Variants in ZFHX3 observed in about 807,000 individuals in gnomAD.
ZFHX3 encodes zinc finger homeobox protein 3.
A neutral mutation model predicts 279.1 loss-of-function variants in ZFHX3; 42 were observed. The observed-to-expected ratio is 0.15, with a 90% CI of 0.12 to 0.19. The LOEUF (loss-of-function observed/expected upper bound fraction) is 0.19. Ranked by LOEUF, ZFHX3 falls within the 10% of genes least tolerant of loss-of-function variation. The pLI, the probability that ZFHX3 is intolerant of heterozygous loss-of-function variation, is 1.00. For synonymous variants in ZFHX3, 2,293 were observed against 1,957.8 expected (o/e 1.17, Z -4.52); for missense variants, 4,981 against 4,754.0 (o/e 1.05, Z -1.40).
At chr16:72,925,980 T>TA (rs1959429325) in intron 3 of ZFHX3, among the ~76,000 whole-genome samples, 1 of 152,292 alleles carries the variant, frequency 6.6e-6, no homozygotes, top group East Asian at 1.9e-4. Context: ...TAACTTATAA[T>TA]TATTACAATA....
chr16:73,842,479 T>G (rs1961336288), intron 1 of ZFHX3, among the ~76,000 whole-genome samples: 1 of 152,054 alleles, frequency 6.6e-6, no homozygotes, highest in Non-Finnish European at 1.5e-5. Context: ...TGGGCTTTTT[T>G]GCTAAGAGTA....
chr16:73,260,680 G>GTT lies in ZFHX3; in HGVS notation c.-1193-3546_-1193-3545dup, dbSNP rs370384540. Among the ~76,000 whole-genome samples, 658 of 88,386 alleles carry GTT rather than the reference G, an allele frequency of 7.4e-3. 53 individuals carry two copies. The highest frequency in any genetic ancestry group is 0.033 in the East Asian group (70 of 2,124). 58.0% of individuals were successfully genotyped at this position (88,386 alleles called of 152,430 possible). ...TCTTTGTTAGTGGTGCACCTATCTG[G>GTT]TTTTTTTTTTTTTTTTTTTTTTTTT... On this transcript the variant is annotated intron_variant, in intron 4 of 17. Coordinates refer to the ZFHX3 transcript ENST00000641206.
At chr16:73,555,701 G>A (rs1465902929) in intron 2 of ZFHX3, among the ~76,000 whole-genome samples, 3 of 151,684 alleles carry the variant, frequency 2.0e-5, no homozygotes, top group Admixed American at 6.6e-5. Flanking sequence ...GCGTGGTGGC[G>A]GGCACCTGTA....
chr16:73,404,668 C>T (rs1396454189), intron 3 of ZFHX3, among the ~76,000 whole-genome samples: 3 of 152,074 alleles, frequency 2.0e-5, no homozygotes, highest in African/African-American at 7.2e-5. Context: ...AAGCATGTAA[C>T]AGAAAAAGGC....
intron 3 of ZFHX3, among the ~76,000 whole-genome samples, chr16:73,404,475 A>G (rs77518313): frequency 0.013 from 1,974 of 152,306 alleles, 47 homozygotes; most frequent in African/African-American, 0.046. Flanking sequence ...GTGCAGTGTT[A>G]TTAGGAAATT....
At chr16:73,528,561 A>T (rs568755479) in intron 2 of ZFHX3, among the ~76,000 whole-genome samples, 1 of 152,364 alleles carries the variant, frequency 6.6e-6, no homozygotes, top group East Asian at 1.9e-4. Context: ...GTAGCATGGG[A>T]TAAGCAATCA....
At chr16:72,857,884 C>T (rs1385571774) in intron 4 of ZFHX3, among the ~76,000 whole-genome samples, 2 of 152,222 alleles carry the variant, frequency 1.3e-5, no homozygotes, top group East Asian at 1.9e-4. Flanking sequence ...GCCTTCCCCA[C>T]CAAAATCCTT....
intron 4 of ZFHX3, among the ~76,000 whole-genome samples, chr16:73,297,207 A>G (rs2014938404): frequency 6.6e-6 from 1 of 151,888 alleles, no homozygotes; most frequent in Admixed American, 6.6e-5. Flanking sequence ...ATTTTTTAAG[A>G]TATGGAAACT....
chr16:72,906,833 A>G (rs1414716416), intron 3 of ZFHX3, among the ~76,000 whole-genome samples: 1 of 152,138 alleles, frequency 6.6e-6, no homozygotes, highest in African/African-American at 2.4e-5. Context: ...AATGACTGGG[A>G]AAATTTTCTT....
intron 2 of ZFHX3, among the ~76,000 whole-genome samples, chr16:73,493,017 A>G (rs2019079956): frequency 6.6e-6 from 1 of 152,226 alleles, no homozygotes; most frequent in African/African-American, 2.4e-5. Flanking sequence ...CTGTCATAAA[A>G]GAAATATTTT....
At chr16:72,908,028 C>T (rs532555298) in intron 3 of ZFHX3, among the ~76,000 whole-genome samples, 6 of 152,208 alleles carry the variant, frequency 3.9e-5, no homozygotes, top group African/African-American at 7.2e-5. Context: ...TCTCACCTCC[C>T]GCCCTTTTTC....
At chr16:72,902,478 G>C (rs1278137529) in intron 3 of ZFHX3, among the ~76,000 whole-genome samples, 1 of 152,216 alleles carries the variant, frequency 6.6e-6, no homozygotes, top group Non-Finnish European at 1.5e-5. Flanking sequence ...CCCTTAATGA[G>C]GACATTAGTT....
At chr16:72,856,042 G>A (rs142647180) in intron 4 of ZFHX3, among the ~76,000 whole-genome samples, 313 of 152,322 alleles carry the variant, frequency 2.1e-3, no homozygotes, top group African/African-American at 7.1e-3. Context: ...AGAAAACCAA[G>A]GTTTTAATTA....
At chr16:73,342,092 G>T (rs529573054) in intron 3 of ZFHX3, among the ~76,000 whole-genome samples, 22 of 145,898 alleles carry the variant, frequency 1.5e-4, no homozygotes, top group Admixed American at 2.7e-4. Flanking sequence ...TACATAAAGT[G>T]GTTTTTGAAA....
In ZFHX3 at chr16:73,857,815, T is replaced by C. The variant is rs1444345943; in HGVS notation, c.-1608+33836A>G. 2.6e-5 allele frequency among the ~76,000 whole-genome samples: 4 copies of C among 152,118 alleles called. No homozygotes were observed. In the East Asian group the frequency reaches 7.7e-4, roughly 29 times the overall value. On this transcript the variant is annotated intron_variant, in intron 1 of 17. Transcript: ENST00000641206. The stretch of plus-strand genomic sequence containing the variant: ...TTTGACATCTTGCAGAAATCAAAAA[T>C]ATGTCCCTGGGCCAGGCACGATGGC...
At chr16:73,120,969 T>G (rs2144808319) in intron 7 of ZFHX3, among the ~76,000 whole-genome samples, 1 of 152,198 alleles carries the variant, frequency 6.6e-6, no homozygotes, top group Admixed American at 6.5e-5. Context: ...CCTCTCTACT[T>G]TCTTTGTTTT....
intron 7 of ZFHX3, among the ~76,000 whole-genome samples, chr16:73,105,364 T>TATACACACATATATACACAC: frequency 1.3e-5 from 1 of 76,928 alleles, no homozygotes; most frequent in African/African-American, 5.5e-5. Flanking sequence ...CACATATATA[T>TATACACACATATATACACAC]ACACACATAT....
chr16:73,127,731 G>A lies in ZFHX3; in HGVS notation c.-897+3237C>T, dbSNP rs532357849. ...GTAAGGGCTGTTGAAACTAATGGCT[G>A]CAGAGAAAGTTGGACAATGCCTGGT... On this transcript the variant is annotated intron_variant, in intron 7 of 17. Coordinates refer to the ZFHX3 transcript ENST00000641206. 591 of 798,658 alleles carry A rather than the reference G, an allele frequency of 7.4e-4. 13 individuals carry two copies. In the South Asian group the frequency reaches 9.6e-3, roughly 13 times the overall value. 49.5% of individuals were successfully genotyped at this position (798,658 alleles called of 1,614,324 possible).
upstream of ZFHX3, among the ~76,000 whole-genome samples, chr16:73,062,536 T>A (rs1965697072): frequency 6.6e-6 from 1 of 152,158 alleles, no homozygotes; most frequent in Non-Finnish European, 1.5e-5. Flanking sequence ...AGAATCTGCT[T>A]CCCTGCAATT....
Sources: gnomAD v4.1 joint callset for allele counts (sites outside exome capture counted in the v4.1 genomes callset) on GRCh38, gnomAD v4.1.1 for gene constraint, MANE v1.5 for transcripts, NCBI Gene and HGNC (gene_info 2026-07-23, HGNC 2026-07-21) for gene names.